Variants in ATXN7 observed in about 807,000 individuals in gnomAD.
ATXN7 encodes the protein ataxin 7, also known as ataxin-7.
In ATXN7, 12 loss-of-function variants were observed where a neutral mutation model predicts 70.5. The ratio of observed to expected loss-of-function variants is 0.17; its 90% CI spans 0.11 to 0.28. The LOEUF (loss-of-function observed/expected upper bound fraction) is 0.28, where lower values mean the gene tolerates loss of function less well. Ranked by LOEUF, ATXN7 falls within the 10% of genes least tolerant of loss-of-function variation. ATXN7 has a pLI of 1.00. For synonymous variants in ATXN7, 498 were observed against 448.7 expected (o/e 1.11, Z -1.39); for missense variants, 1,256 against 1,131.7 (o/e 1.11, Z -1.58).
chr3:63,899,915 C>A (rs1041210339), intron 2 of ATXN7, among the ~76,000 whole-genome samples: 2 of 152,042 alleles, frequency 1.3e-5, no homozygotes, highest in African/African-American at 4.8e-5. Context: ...CTGCGCCCGG[C>A]CTAAAAAAAA....
chr3:63,887,234 G>A (rs916790790), intron 1 of ATXN7, among the ~76,000 whole-genome samples: 2 of 152,194 alleles, frequency 1.3e-5, no homozygotes, highest in Admixed American at 1.3e-4. Flanking sequence ...TTCAACCAGT[G>A]ATAAAAGATC....
chr3:63,880,081 G>A (rs533695932), intron 1 of ATXN7, among the ~76,000 whole-genome samples: 16 of 151,926 alleles, frequency 1.1e-4, no homozygotes, highest in East Asian at 2.0e-4. Context: ...GCAAGACTCC[G>A]TATCAAAAAA....
intron 2 of ATXN7, among the ~76,000 whole-genome samples, chr3:63,908,681 T>A (rs1218047013): frequency 6.6e-6 from 1 of 152,258 alleles, no homozygotes; most frequent in East Asian, 1.9e-4. Flanking sequence ...TTGGGTAGTT[T>A]TAGCCTTTTT....
chr3:63,929,139 G>A (rs929230900), intron 4 of ATXN7, among the ~76,000 whole-genome samples: 4 of 152,024 alleles, frequency 2.6e-5, no homozygotes, highest in Admixed American at 1.3e-4. Flanking sequence ...GGGAAATGGC[G>A]TATTTATTAC....
At chr3:63,989,996 A>AG (rs1377032756) in intron 9 of ATXN7, among the ~76,000 whole-genome samples, 180 bp from the exon 10 acceptor site, 1 of 152,206 alleles carries the variant, frequency 6.6e-6, no homozygotes, top group African/African-American at 2.4e-5. Flanking sequence ...AACATCCTGC[A>AG]GTTCAGGAGA....
chr3:63,863,955 C>CGCG lies in ATXN7; in HGVS notation c.-312_-311insGGC, dbSNP rs906220280. On this transcript the variant is annotated 5_prime_UTR_variant, in exon 1 of 13. Transcript: ENST00000674280. The stretch of plus-strand genomic sequence containing the variant: ...ACGCCTGAGCCGCGCCGCGCCGCGC[C>CGCG]GCCGCCGCCGCCGCCGCCGCCGCGG... 1 of 86,026 alleles carries CGCG rather than the reference C, an allele frequency of 1.2e-5. No individual in the cohort carries two copies. The highest frequency in any genetic ancestry group is 5.0e-5 in the African/African-American group (1 of 20,040). 5.3% of individuals were successfully genotyped at this position (86,026 alleles called of 1,614,324 possible).
chr3:63,925,589 C>T (rs1377806357), intron 4 of ATXN7, among the ~76,000 whole-genome samples: 5 of 151,902 alleles, frequency 3.3e-5, no homozygotes, highest in East Asian at 1.9e-4. Context: ...TTCCACGAAA[C>T]TGGTCTCTGG....
At chr3:63,961,966 C>T (rs954882050) in intron 5 of ATXN7, among the ~76,000 whole-genome samples, 1 of 152,152 alleles carries the variant, frequency 6.6e-6, no homozygotes, top group African/African-American at 2.4e-5. Flanking sequence ...AACACACCTG[C>T]GATTTCAACC....
intron 12 of ATXN7, chr3:63,998,082 A>G: frequency 1.0e-6 from 1 of 985,130 alleles, no homozygotes; most frequent in Non-Finnish European, 1.2e-6. Context: ...CATGATCCCC[A>G]CGGAAGGGGC....
intron 8 of ATXN7, among the ~76,000 whole-genome samples, chr3:63,985,928 A>G (rs917287663): frequency 2.0e-5 from 3 of 152,216 alleles, no homozygotes; most frequent in Admixed American, 2.0e-4. Context: ...AAAGAGATGG[A>G]GAGTATTAAT....
intron 4 of ATXN7, among the ~76,000 whole-genome samples, chr3:63,926,790 T>G (rs1318030674): frequency 2.6e-5 from 4 of 152,086 alleles, no homozygotes; most frequent in Non-Finnish European, 4.4e-5. Flanking sequence ...TTTTTTTTAA[T>G]TTGTCCTAAT....
In ATXN7 at chr3:64,002,501, G is replaced by GT. The variant is rs1170490715; in HGVS notation, c.*3035dup. 1 of 151,040 alleles carries GT rather than the reference G, an allele frequency of 6.6e-6. No homozygotes were observed. The highest frequency in any genetic ancestry group is 2.5e-5 in the African/African-American group (1 of 40,474). The allele number at this position is 151,040 out of a possible 1,614,324, so 9.4% of individuals were successfully genotyped here. A position where few individuals can be genotyped will look rare whatever the true frequency, so the allele number is the denominator to read the frequency against. Reference sequence around the variant, plus strand: ...TATGTGTGGGAGTATGTGACTGCGTGTGTGTGTGCCTGTGCGTGTGTGTGT... The same window carrying GT: ...TATGTGTGGGAGTATGTGACTGCGTGTTGTGTGTGCCTGTGCGTGTGTGTGT... On this transcript the variant is annotated 3_prime_UTR_variant, in exon 13 of 13. Transcript: ENST00000674280.
chr3:63,978,912 T>C (rs1349576422), intron 5 of ATXN7, among the ~76,000 whole-genome samples: 1 of 152,242 alleles, frequency 6.6e-6, no homozygotes, highest in Non-Finnish European at 1.5e-5. Context: ...GTGCTTAATG[T>C]TTTAAATACT....
chr3:63,969,293 G>A lies in ATXN7; in HGVS notation c.500-10622G>A, dbSNP rs144677294. On this transcript the variant is annotated intron_variant, in intron 5 of 12. Transcript: ENST00000674280. ...TTCTGCCCTCCCCCACCCAGAATAA[G>A]GTGATATAAAAAGGATATAAAACCA... 7.2e-5 allele frequency among the ~76,000 whole-genome samples: 11 copies of A among 152,212 alleles called. No individual in the cohort carries two copies. In the East Asian group the frequency reaches 2.1e-3, roughly 29 times the overall value.
intron 1 of ATXN7, among the ~76,000 whole-genome samples, chr3:63,877,809 G>T (rs577824679): frequency 2.6e-5 from 4 of 152,298 alleles, no homozygotes; most frequent in African/African-American, 9.6e-5. Context: ...TAACAGCAAG[G>T]TATTTAGAGA....
intron 4 of ATXN7, among the ~76,000 whole-genome samples, chr3:63,934,787 C>T (rs1336727410): frequency 2.0e-5 from 3 of 152,200 alleles, no homozygotes; most frequent in African/African-American, 4.8e-5. Flanking sequence ...AGGGCTCTTA[C>T]GAGAATGCTT....
rs745858344 is a variant in ATXN7, at chr3:63,980,078, G to T, written c.663G>T (p.Leu221Phe). The T allele has an allele frequency of 2.5e-6, 4 of 1,614,038 alleles. No homozygotes were observed. The highest frequency in any genetic ancestry group is 3.4e-6 in the Non-Finnish European group (4 of 1,180,050). ...VLSASSSSSK[L>F]LKSPKEKLQL... ...GCGCATCCTCATCAAGTTCCAAGTT[G>T]TTGAAATCACCCAAAGAGAAACTGC... The change falls in exon 6 of 13, where the codon TTG becomes TTT. Residue 221 changes from leucine (L) to phenylalanine (F), a missense_variant. Transcript: ENST00000674280.
At chr3:63,969,298 T>A (rs1052704526) in intron 5 of ATXN7, among the ~76,000 whole-genome samples, 1 of 152,148 alleles carries the variant, frequency 6.6e-6, no homozygotes, top group Non-Finnish European at 1.5e-5. Context: ...AATAAGGTGA[T>A]ATAAAAAGGA....
rs1392036586 is a variant in ATXN7 at position 63,912,718 on chromosome 3, G to T, written c.120G>T (p.Pro40=). ...QQQQQQQQQQ[P]PPPQPQRQQH... ...AGCAGCAGCAGCAGCAGCAGCAGCC[G>T]CCGCCTCCGCAGCCCCAGCGGCAGC... Residue 40 remains proline (P), a synonymous_variant, in exon 3 of 13, where the codon CCG becomes CCT. Coordinates refer to ENST00000674280, the MANE Select transcript of ATXN7 (RefSeq NM_001377405.1). 8.1e-7 allele frequency: 1 copy of T among 1,227,150 alleles called. No individual in the cohort carries two copies. Among genetic ancestry groups the T allele is most frequent in the South Asian group, 3.2e-5 (1 of 31,438 alleles). The allele number at this position is 1,227,150 out of a possible 1,614,324, so 76.0% of individuals were successfully genotyped here.
Sources: allele counts gnomAD v4.1 joint callset (sites outside exome capture counted in the v4.1 genomes callset), GRCh38; gene constraint gnomAD v4.1.1; transcripts MANE v1.5; gene names NCBI Gene and HGNC (gene_info 2026-07-23, HGNC 2026-07-21).